The following ZYG11B variants were observed in gnomAD, a reference collection of about 807,000 sequenced individuals.
ZYG11B encodes the protein protein zyg-11 homolog B.
In ZYG11B, 36 loss-of-function variants were observed where a neutral mutation model predicts 82.4. The ratio of observed to expected loss-of-function variants is 0.44; its 90% CI spans 0.33 to 0.58. The LOEUF is 0.58. Among genes scored for constraint, ZYG11B ranks in the 20% least tolerant of loss-of-function variants. ZYG11B has a pLI of 0.02. For synonymous variants in ZYG11B, 303 were observed against 312.8 expected (o/e 0.97, Z 0.33); for missense variants, 552 against 895.6 (o/e 0.62, Z 4.90).
rs368296794 is a variant in ZYG11B, at chr1:52,790,484, G to A, written c.1334+417G>A. Among the ~76,000 whole-genome samples, 12 of 152,054 alleles carry A rather than the reference G, an allele frequency of 7.9e-5. 1 individual carries two copies. Among genetic ancestry groups the A allele is most frequent in the Non-Finnish European group, 8.8e-5 (6 of 67,984 alleles). On this transcript the variant is annotated intron_variant, in intron 6 of 13. Transcript: ENST00000294353. The stretch of plus-strand genomic sequence containing the variant: ...AGTGGCTCATGCCTATAATCCCAGC[G>A]CTTTAGGAGGCCAAAGCGGGAGGAT...
In ZYG11B at chr1:52,743,731, C is replaced by T. The variant is rs559671963; in HGVS notation, c.31-12727C>T. On this transcript the variant is annotated intron_variant, in intron 1 of 13. Coordinates refer to ENST00000294353, the MANE Select transcript of ZYG11B (RefSeq NM_024646.3). Reference sequence around the variant, plus strand: ...GTCCCCACCCCCCAAAAAGAAAAAACATTTAAATAAATTTAGTGTAGCTTA... The same window carrying T: ...GTCCCCACCCCCCAAAAAGAAAAAATATTTAAATAAATTTAGTGTAGCTTA... Among the ~76,000 whole-genome samples the T allele has an allele frequency of 2.6e-4, 40 of 152,112 alleles. No homozygotes were observed. In the South Asian group the frequency reaches 8.3e-3, roughly 32 times the overall value.
chr1:52,770,291 A>G (rs746150619), intron 2 of ZYG11B, among the ~76,000 whole-genome samples: 56 of 151,852 alleles, frequency 3.7e-4, no homozygotes, highest in Middle Eastern at 3.2e-3. Context: ...GGGTCTTGCT[A>G]TGTTTCCCAG....
chr1:52,778,659 T>C (rs11585495), intron 3 of ZYG11B, among the ~76,000 whole-genome samples: 43,822 of 152,134 alleles, frequency 0.29, 7,719 homozygotes, highest in Admixed American at 0.43. Flanking sequence ...ATTATGGTGA[T>C]ATTTTAATCA....
At chr1:52,763,223 G>C (rs997798880) in intron 2 of ZYG11B, among the ~76,000 whole-genome samples, 1 of 152,104 alleles carries the variant, frequency 6.6e-6, no homozygotes, top group Admixed American at 6.6e-5. Context: ...TTGAAGTCTG[G>C]TAGTATGATG....
At chr1:52,788,394 T>C (rs1644930977) in intron 5 of ZYG11B, among the ~76,000 whole-genome samples, 1 of 152,210 alleles carries the variant, frequency 6.6e-6, no homozygotes, top group South Asian at 2.1e-4. Context: ...ATTTATCTTC[T>C]GTTATTAAGT....
Position 52,807,491 on chromosome 1 carries a change from C to CTTTTT in ZYG11B, c.1695+5366_1695+5370dup, listed in dbSNP as rs34785263. ...GTATAGTTCAGAATTGCTAAGAGTA[C>CTTTTT]TTTTTTTTTTTTTTTTTTGAGACAG... On this transcript the variant is annotated intron_variant, in intron 10 of 13. Transcript: ENST00000294353. Among the ~76,000 whole-genome samples, 30 of 128,916 alleles carry CTTTTT rather than the reference C, an allele frequency of 2.3e-4. 1 individual carries two copies. Among genetic ancestry groups the CTTTTT allele is most frequent in the African/African-American group, 7.6e-4 (26 of 34,048 alleles). The allele number at this position is 128,916 out of a possible 152,430, so 84.6% of individuals were successfully genotyped here. A position where few individuals can be genotyped will look rare whatever the true frequency, so the allele number is the denominator to read the frequency against.
intron 4 of ZYG11B, among the ~76,000 whole-genome samples, chr1:52,784,127 G>A (rs915143109): frequency 3.9e-5 from 6 of 152,084 alleles, no homozygotes; most frequent in African/African-American, 1.2e-4. Flanking sequence ...GAGTAGCTGG[G>A]ATTACAGGCA....
At chr1:52,786,408 G>A (rs915352155) in intron 5 of ZYG11B, among the ~76,000 whole-genome samples, 3 of 152,110 alleles carry the variant, frequency 2.0e-5, no homozygotes, top group Non-Finnish European at 4.4e-5. Context: ...GAATCGTATG[G>A]TACATGAACT....
intron 7 of ZYG11B, 79 bp from the exon 8 acceptor site, chr1:52,796,655 G>T: frequency 8.1e-7 from 1 of 1,228,748 alleles, no homozygotes; most frequent in Non-Finnish European, 1.2e-6. Flanking sequence ...TCTCACCTTT[G>T]GAGTGAGGTA....
Position 52,785,057 on chromosome 1 carries a change from A to G in ZYG11B, c.1269+4A>G, listed in dbSNP as rs770863968. ...ACATTTTCCCAATCACCAGCAGGTA[A>G]GCTTATGTGAATTCCTTTTCAAATA... is the stretch of plus-strand genomic sequence containing the variant. On this transcript the variant is annotated splice_donor_region_variant and intron_variant, in intron 5 of 13. Coordinates refer to ENST00000294353, the MANE Select transcript of ZYG11B (RefSeq NM_024646.3). The G allele has an allele frequency of 2.5e-6, 4 of 1,611,296 alleles. No homozygotes were observed. Among genetic ancestry groups the G allele is most frequent in the African/African-American group, 1.3e-5 (1 of 74,638 alleles).
intron 8 of ZYG11B, among the ~76,000 whole-genome samples, chr1:52,797,522 T>A (rs1318608925): frequency 5.8e-5 from 8 of 138,860 alleles, no homozygotes; most frequent in Non-Finnish European, 1.2e-4. Flanking sequence ...TATATATTTT[T>A]TTTTAGACAG....
intron 1 of ZYG11B, among the ~76,000 whole-genome samples, chr1:52,750,747 G>A (rs190446995): frequency 6.6e-6 from 1 of 152,198 alleles, no homozygotes; most frequent in East Asian, 1.9e-4. Context: ...GTGCCCACTA[G>A]CATTCACTTT....
intron 3 of ZYG11B, among the ~76,000 whole-genome samples, chr1:52,775,086 GT>G (rs927311820): frequency 6.5e-4 from 92 of 140,946 alleles, no homozygotes; most frequent in African/African-American, 2.2e-3. Flanking sequence ...TACTTGTCTT[GT>G]TTTTTTTTTC....
intron 10 of ZYG11B, among the ~76,000 whole-genome samples, chr1:52,803,277 CACATAT>C (rs1558140725): frequency 1.9e-5 from 2 of 106,202 alleles, no homozygotes; most frequent in Admixed American, 1.1e-4. Flanking sequence ...CACACACACA[CACATAT>C]ATATATATAT....
chr1:52,770,087 TATATA>T (rs200224464), intron 2 of ZYG11B, among the ~76,000 whole-genome samples: 2,458 of 76,336 alleles, frequency 0.032, 66 homozygotes, highest in East Asian at 0.2. Flanking sequence ...TATATATATA[TATATA>T]TTTTTTTTTT....
chr1:52,826,142 G>A lies in ZYG11B; in HGVS notation c.*4513G>A, dbSNP rs1367922384. On this transcript the variant is annotated 3_prime_UTR_variant, in exon 14 of 14. Transcript: ENST00000294353. The stretch of plus-strand genomic sequence containing the variant: ...TATTAAACTGAAGGCATAAGTTAAA[G>A]GAAGTATGTTACTTTGAGCTGATGT... The A allele has an allele frequency of 6.6e-6, 1 of 152,192 alleles. No individual in the cohort carries two copies. The highest frequency in any genetic ancestry group is 1.9e-4 in the East Asian group (1 of 5,206). 9.4% of individuals were successfully genotyped at this position (152,192 alleles called of 1,614,324 possible).
intron 13 of ZYG11B, among the ~76,000 whole-genome samples, chr1:52,818,794 G>GA (rs1553264419): frequency 7.3e-6 from 1 of 136,944 alleles, no homozygotes; most frequent in Non-Finnish European, 1.6e-5. Flanking sequence ...TTTCGCTTGG[G>GA]TTTTTTTTTT....
intron 7 of ZYG11B, 34 bp from the exon 8 acceptor site, chr1:52,796,700 T>C (rs771206121): frequency 1.8e-5 from 29 of 1,572,648 alleles, no homozygotes; most frequent in Non-Finnish European, 2.4e-5. Context: ...TAATGAGTTC[T>C]TGGACATTGA....
At position 52,793,890 on chromosome 1, in the gene ZYG11B, T is replaced by TCCTTCCTTCCTTCCTTCCTTCCTTCCTG. The variant is rs369489501; in HGVS notation, c.1335-2390_1335-2389insCCTTCCTTCCTTCCTGCCTTCCTTCCTT. Among the ~76,000 whole-genome samples, 70 of 148,196 alleles carry TCCTTCCTTCCTTCCTTCCTTCCTTCCTG rather than the reference T, an allele frequency of 4.7e-4. 1 individual carries two copies. Among genetic ancestry groups the TCCTTCCTTCCTTCCTTCCTTCCTTCCTG allele is most frequent in the Non-Finnish European group, 7.1e-4 (48 of 67,638 alleles). Reference sequence around the variant, plus strand: ...TTCTTTCCTTCCTTCCTTCCTTCCTTCCTTCCTTCCTTTCTTTCCTTTCTT... The same window carrying TCCTTCCTTCCTTCCTTCCTTCCTTCCTG: ...TTCTTTCCTTCCTTCCTTCCTTCCTTCCTTCCTTCCTTCCTTCCTTCCTTCCTGCCTTCCTTCCTTTCTTTCCTTTCTT... On this transcript the variant is annotated intron_variant, in intron 6 of 13. Transcript: ENST00000294353.
Sources: allele counts gnomAD v4.1 joint callset (sites outside exome capture counted in the v4.1 genomes callset), GRCh38; gene constraint gnomAD v4.1.1; transcripts MANE v1.5; gene names NCBI Gene and HGNC (gene_info 2026-07-23, HGNC 2026-07-21).